The following CEP95 variants were observed in gnomAD, a reference collection of about 807,000 sequenced individuals.
The protein encoded by CEP95 is centrosomal protein of 95 kDa.
A neutral mutation model predicts 111.2 loss-of-function variants in CEP95; 98 were observed. The ratio of observed to expected loss-of-function variants is 0.88; its 90% CI spans 0.75 to 1.04. The LOEUF is 1.04. CEP95 is among the 50% of genes least tolerant of loss of function. CEP95 has a pLI of 0.00. For synonymous variants in CEP95, 323 were observed against 327.1 expected (o/e 0.99, Z 0.14); for missense variants, 1,027 against 977.2 (o/e 1.05, Z -0.68).
chr17:64,531,080 T>C (rs376261999), intron 13 of CEP95, 62 bp downstream of exon 13: 1 of 975,926 alleles, frequency 1.0e-6, no homozygotes, highest in Non-Finnish European at 1.5e-6. Context: ...AGTACAAAGA[T>C]GATCTTTTTA....
intron 17 of CEP95, 85 bp from the exon 18 acceptor site, chr17:64,536,516 AC>A (rs1968666656): frequency 3.1e-6 from 3 of 953,990 alleles, no homozygotes; most frequent in South Asian, 3.8e-5. Context: ...AAAAAAAAAA[AC>A]CTTGGGAAAT....
chr17:64,523,269 G>C (rs1381867279), intron 8 of CEP95, among the ~76,000 whole-genome samples: 1 of 152,110 alleles, frequency 6.6e-6, no homozygotes, highest in Non-Finnish European at 1.5e-5. Flanking sequence ...AACAACTCTG[G>C]AGTAGCTACT....
intron 8 of CEP95, among the ~76,000 whole-genome samples, chr17:64,525,396 G>GT (rs1555678852): frequency 6.6e-6 from 1 of 152,114 alleles, no homozygotes; most frequent in Non-Finnish European, 1.5e-5. Flanking sequence ...TGTTTTAACT[G>GT]TTTCAATTTT....
At chr17:64,523,304 G>A (rs1015400372) in intron 8 of CEP95, among the ~76,000 whole-genome samples, 8 of 152,134 alleles carry the variant, frequency 5.3e-5, no homozygotes, top group African/African-American at 1.9e-4. Flanking sequence ...TTGGGAAGCT[G>A]ATGTAGAGAG....
intron 3 of CEP95, among the ~76,000 whole-genome samples, chr17:64,511,529 C>T (rs2038895864): frequency 6.6e-6 from 1 of 152,212 alleles, no homozygotes; most frequent in East Asian, 1.9e-4. Flanking sequence ...TTAAGGTTAT[C>T]TGTCTTATTC....
chr17:64,513,685 A>C (rs1555675657), intron 3 of CEP95, among the ~76,000 whole-genome samples: 1 of 152,190 alleles, frequency 6.6e-6, no homozygotes, highest in East Asian at 1.9e-4. Context: ...TGATCTATAC[A>C]AAATGAGGAG....
chr17:64,523,566 CA>C (rs543447385), intron 8 of CEP95, among the ~76,000 whole-genome samples: 2,002 of 139,594 alleles, frequency 0.014, 42 homozygotes, highest in African/African-American at 0.046. Flanking sequence ...GACTTCATCT[CA>C]AAAAAAAAAA....
At chr17:64,514,837 G>C (rs1010124999) in intron 4 of CEP95, 4 of 169,152 alleles carry the variant, frequency 2.4e-5, no homozygotes, top group Non-Finnish European at 5.0e-5. Flanking sequence ...TTAATAATTT[G>C]AGATTAAGTA....
chr17:64,537,059 G>A lies in CEP95; in HGVS notation c.2236G>A (p.Ala746Thr), dbSNP rs1555681717. 1 of 1,612,658 alleles carries A rather than the reference G, an allele frequency of 6.2e-7. No individual in the cohort carries two copies. The highest frequency in any genetic ancestry group is 2.2e-5 in the East Asian group (1 of 44,800). The change falls in exon 19 of 20, where the codon GCC becomes ACC. Residue 746 changes from alanine to threonine, a missense_variant. Transcript: ENST00000556440. Reference sequence around the variant, plus strand: ...TAAACAGTTTTCATTGCTGGCAGAAGCCATATCACAGGAACATCAAGAACT... The same window carrying A: ...TAAACAGTTTTCATTGCTGGCAGAAACCATATCACAGGAACATCAAGAACT... The part of the protein sequence containing the change: ...YKDQFSLLAE[A>T]ISQEHQELKA...
chr17:64,531,004 AAGG>A lies in CEP95; in HGVS notation c.1533_1535del (p.Glu512del), dbSNP rs1156631757. ...TATTGGACCTCTAAGAATACATGAG[AAGG>A]AGGAGGAAACAGTGGGTAAAAGTCT... On this transcript the variant is annotated inframe_deletion, in exon 13 of 20. Coordinates refer to ENST00000556440, the MANE Select transcript of CEP95 (RefSeq NM_138363.3). 1.3e-6 allele frequency: 2 copies of A among 1,544,518 alleles called. No homozygotes were observed. Among genetic ancestry groups the A allele is most frequent in the Non-Finnish European group, 1.8e-6 (2 of 1,140,294 alleles).
intron 6 of CEP95, chr17:64,520,613 A>G (rs900374119): frequency 6.6e-6 from 1 of 152,106 alleles, no homozygotes; most frequent in Non-Finnish European, 1.5e-5. Flanking sequence ...TTGTATTTTT[A>G]GTAGAGATGG....
intron 4 of CEP95, among the ~76,000 whole-genome samples, chr17:64,515,177 G>A (rs1374518935): frequency 2.6e-5 from 4 of 152,170 alleles, no homozygotes; most frequent in African/African-American, 9.7e-5. Context: ...TTTTATAGGC[G>A]TCTGGGTACT....
intron 7 of CEP95, among the ~76,000 whole-genome samples, chr17:64,522,043 G>A (rs1487628969): frequency 6.6e-6 from 1 of 151,794 alleles, no homozygotes; most frequent in Non-Finnish European, 1.5e-5. Flanking sequence ...AGTAGAGATG[G>A]GGTTTCACCA....
intron 14 of CEP95, chr17:64,532,589 G>T: frequency 7.9e-7 from 1 of 1,272,172 alleles, no homozygotes; most frequent in Non-Finnish European, 9.9e-7. Flanking sequence ...CACTGAAGCG[G>T]CTGAGCAATT....
chr17:64,537,190 T>C (rs1182421185), intron 19 of CEP95, 78 bp downstream of exon 19: 4 of 1,562,998 alleles, frequency 2.6e-6, no homozygotes, highest in Non-Finnish European at 3.5e-6. Flanking sequence ...ACATTGGTGG[T>C]TGGAGCAATA....
In CEP95 at chr17:64,534,650, GC is replaced by G. The variant is rs868993507; in HGVS notation, c.1984del (p.Gln662LysfsTer20). 6.2e-7 allele frequency: 1 copy of G among 1,613,706 alleles called. No homozygotes were observed. Among genetic ancestry groups the G allele is most frequent in the Non-Finnish European group, 8.5e-7 (1 of 1,179,788 alleles). On this transcript the variant is annotated frameshift_variant, in exon 17 of 20. Transcript: ENST00000556440. LOFTEE classifies it high-confidence loss of function. ...AATCAAAGATAAAAGAAAATCGACA[GC>G]AAATCGTTCGTGCTCGAAAATATTA... ...TQSKIKENRQ[Q>X]IVRARKYYDD...
chr17:64,521,867 A>G lies in CEP95; in HGVS notation c.715+340A>G, dbSNP rs115719954. 3.0e-3 allele frequency among the ~76,000 whole-genome samples: 452 copies of G among 151,498 alleles called. 2 individuals carry two copies. Among genetic ancestry groups the G allele is most frequent in the African/African-American group, 0.011 (440 of 41,300 alleles). On this transcript the variant is annotated intron_variant, in intron 7 of 19. Coordinates refer to ENST00000556440, the MANE Select transcript of CEP95 (RefSeq NM_138363.3). ...GTAACTGGAAAAACATTCTTTTTTT[A>G]TTGTTTCGAGACAGAGTCTAGCTCT... is the stretch of plus-strand genomic sequence containing the variant.
intron 1 of CEP95, chr17:64,508,041 C>T (rs1334470871): frequency 3.0e-6 from 3 of 985,098 alleles, no homozygotes; most frequent in Non-Finnish European, 3.6e-6. Flanking sequence ...AAAAGAAAAA[C>T]TAACAAATGC....
At chr17:64,522,217 T>C (rs534701461) in intron 7 of CEP95, among the ~76,000 whole-genome samples, 64 of 152,216 alleles carry the variant, frequency 4.2e-4, no homozygotes, top group Non-Finnish European at 8.5e-4. Context: ...TACATAAAAA[T>C]ATTACTGCCT....
Sources: allele counts gnomAD v4.1 joint callset (sites outside exome capture counted in the v4.1 genomes callset), GRCh38; gene constraint gnomAD v4.1.1; transcripts MANE v1.5; gene names NCBI Gene and HGNC (gene_info 2026-07-23, HGNC 2026-07-21).